STRIP2: variants seen among roughly 807,000 people sequenced by gnomAD.
The protein encoded by STRIP2 is striatin-interacting protein 2.
A neutral mutation model predicts 107.1 loss-of-function variants in STRIP2; 84 were observed. The observed-to-expected ratio is 0.78, with a 90% CI of 0.66 to 0.94. The LOEUF (loss-of-function observed/expected upper bound fraction) is 0.94, where lower values mean the gene tolerates loss of function less well. Among genes scored for constraint, STRIP2 ranks in the 40% least tolerant of loss-of-function variants. The pLI is 0.00. For synonymous variants in STRIP2, 394 were observed against 400.4 expected (o/e 0.98, Z 0.19); for missense variants, 888 against 1,034.2 (o/e 0.86, Z 1.94).
rs1476077612 is a variant in STRIP2, at chr7:129,487,423, T to A, written c.*1594T>A. The A allele has an allele frequency of 6.6e-6, 1 of 152,132 alleles. No homozygotes were observed. The highest frequency in any genetic ancestry group is 1.5e-5 in the Non-Finnish European group (1 of 68,018). The allele number at this position is 152,132 out of a possible 1,614,324, so 9.4% of individuals were successfully genotyped here. On this transcript the variant is annotated 3_prime_UTR_variant, in exon 21 of 21. Coordinates refer to ENST00000249344, the MANE Select transcript of STRIP2 (RefSeq NM_020704.3). ...TTATGCTGGGTGATATAGTCAAAAT[T>A]TGCTTATTTACTCTGCCCCTCGTCA...
chr7:129,478,960 T>C (rs1799044035), intron 18 of STRIP2, among the ~76,000 whole-genome samples: 1 of 152,170 alleles, frequency 6.6e-6, no homozygotes, highest in African/African-American at 2.4e-5. Flanking sequence ...ATATGTTTTG[T>C]GTTTCCCTTG....
rs1211934014 is a variant in STRIP2 at position 129,470,989 on chromosome 7, CGAAATTGAGCGTGAATATCTA to C, written c.1944+275_1944+295del. ...AAGGAATTTAGAAACATAATGGGAC[CGAAATTGAGCGTGAATATCTA>C]TGCTAAATGCAGGACAATCTCTTCT... On this transcript the variant is annotated intron_variant, in intron 18 of 20. Coordinates refer to ENST00000249344, the MANE Select transcript of STRIP2 (RefSeq NM_020704.3). Among the ~76,000 whole-genome samples the C allele has an allele frequency of 2.6e-5, 4 of 152,206 alleles. No individual in the cohort carries two copies. In the East Asian group the frequency reaches 7.7e-4, roughly 29 times the overall value.
intron 3 of STRIP2, among the ~76,000 whole-genome samples, chr7:129,445,064 G>T (rs1210447248): frequency 2.0e-5 from 3 of 152,132 alleles, no homozygotes; most frequent in African/African-American, 7.2e-5. Flanking sequence ...GCAGGTCGTG[G>T]TTTTTTTCCT....
chr7:129,470,133 T>A (rs1798757323), intron 17 of STRIP2, among the ~76,000 whole-genome samples: 1 of 152,204 alleles, frequency 6.6e-6, no homozygotes, highest in Non-Finnish European at 1.5e-5. Flanking sequence ...AGCCTTTCTA[T>A]AGGAAACTGC....
chr7:129,473,237 T>TTA (rs567966734), intron 18 of STRIP2, among the ~76,000 whole-genome samples: 168 of 152,154 alleles, frequency 1.1e-3, no homozygotes, highest in Non-Finnish European at 2.0e-3. Flanking sequence ...TTTGCTGCAA[T>TTA]TATATATATA....
At position 129,464,684 on chromosome 7, in the gene STRIP2, C is replaced by A; in HGVS notation, c.1722C>A (p.Ile574=). The change falls in exon 16 of 21, where the codon ATC becomes ATA. Residue 574 remains isoleucine (I), a synonymous_variant. Coordinates refer to ENST00000249344, the MANE Select transcript of STRIP2 (RefSeq NM_020704.3). The part of the protein sequence containing the change: ...NRHKEIIVKS[I]STLLLLLLKH... The stretch of plus-strand genomic sequence containing the variant: ...ACAAGGAGATTATTGTAAAGAGTAT[C>A]TCTACCCTGCTTCTGCTACTCCTCA... 7.4e-6 allele frequency: 12 copies of A among 1,614,086 alleles called. No individual in the cohort carries two copies. The highest frequency in any genetic ancestry group is 1.0e-5 in the Non-Finnish European group (12 of 1,179,988).
At chr7:129,446,604 A>G (rs1402184789) in intron 3 of STRIP2, among the ~76,000 whole-genome samples, 4 of 152,178 alleles carry the variant, frequency 2.6e-5, no homozygotes, top group African/African-American at 9.6e-5. Context: ...TGGTGCCTGC[A>G]TATCGTGCAG....
At chr7:129,451,402 G>A (rs549443131) in intron 3 of STRIP2, among the ~76,000 whole-genome samples, 1 of 152,198 alleles carries the variant, frequency 6.6e-6, no homozygotes, top group Admixed American at 6.5e-5. Flanking sequence ...GGACAGAGGG[G>A]ATGTTGAAGG....
chr7:129,472,668 C>T (rs1798814195), intron 18 of STRIP2, among the ~76,000 whole-genome samples: 1 of 150,800 alleles, frequency 6.6e-6, no homozygotes, highest in Non-Finnish European at 1.5e-5. Flanking sequence ...CTCAGAAAAA[C>T]ACTAATGTTC....
intron 3 of STRIP2, among the ~76,000 whole-genome samples, chr7:129,446,300 T>C (rs1798032866): frequency 6.6e-6 from 1 of 152,210 alleles, no homozygotes; most frequent in Non-Finnish European, 1.5e-5. Flanking sequence ...AGTACAAATA[T>C]CTTCATAGTT....
In STRIP2 at chr7:129,461,121, C is replaced by A. The variant is rs1443751809; in HGVS notation, c.1476+749C>A. On this transcript the variant is annotated intron_variant, in intron 13 of 20. Coordinates refer to ENST00000249344, the MANE Select transcript of STRIP2 (RefSeq NM_020704.3). The surrounding 1 kb of genome is among the most constrained non-coding windows in gnomAD (Gnocchi z 4.0). ...TGCCGACCTGGATTTGGAGATGTAGCTGACAAGACTTGCAGTGCATTTGGA... is the reference window on the plus strand; with the variant it reads ...TGCCGACCTGGATTTGGAGATGTAGATGACAAGACTTGCAGTGCATTTGGA... 6.6e-6 allele frequency among the ~76,000 whole-genome samples: 1 copy of A among 152,164 alleles called. No individual in the cohort carries two copies. Among genetic ancestry groups the A allele is most frequent in the Non-Finnish European group, 1.5e-5 (1 of 68,026 alleles).
intron 1 of STRIP2, among the ~76,000 whole-genome samples, chr7:129,436,012 T>G (rs1450511597): frequency 6.6e-6 from 1 of 152,018 alleles, no homozygotes; most frequent in Non-Finnish European, 1.5e-5. Context: ...AGCTCAGCCC[T>G]CCTGTCTTGC....
chr7:129,478,766 A>G (rs999177151), intron 18 of STRIP2, among the ~76,000 whole-genome samples: 2 of 152,188 alleles, frequency 1.3e-5, no homozygotes, highest in Non-Finnish European at 2.9e-5. Context: ...CTAAGATCAT[A>G]CAGTCAGGGA....
intron 9 of STRIP2, 141 bp downstream of exon 9, chr7:129,456,783 C>G: frequency 1.4e-6 from 1 of 706,242 alleles, no homozygotes; most frequent in Non-Finnish European, 2.3e-6. Context: ...AACCTGAAAT[C>G]TTAGGGTCTC....
At position 129,434,444 on chromosome 7, in the gene STRIP2, A is replaced by G; in HGVS notation, c.-29A>G. 1 of 1,472,384 alleles carries G rather than the reference A, an allele frequency of 6.8e-7. No individual in the cohort carries two copies. Among genetic ancestry groups the G allele is most frequent in the South Asian group, 1.3e-5 (1 of 77,390 alleles). 91.2% of individuals were successfully genotyped at this position (1,472,384 alleles called of 1,614,324 possible). A position where few individuals can be genotyped will look rare whatever the true frequency, so the allele number is the denominator to read the frequency against. On this transcript the variant is annotated 5_prime_UTR_variant, in exon 1 of 21. Transcript: ENST00000249344. Reference sequence around the variant, plus strand: ...GGGTCGCCTCCGGCAAAGCGAGCTGAACCCTGAGGGGAGCCGCTGACCAGC... The same window carrying G: ...GGGTCGCCTCCGGCAAAGCGAGCTGGACCCTGAGGGGAGCCGCTGACCAGC...
intron 1 of STRIP2, among the ~76,000 whole-genome samples, chr7:129,438,040 C>T (rs528585119): frequency 3.3e-5 from 5 of 152,122 alleles, no homozygotes; most frequent in East Asian, 1.9e-4. Context: ...CTCCTGACCT[C>T]GTAATCCGCC....
intron 1 of STRIP2, among the ~76,000 whole-genome samples, chr7:129,436,165 A>T (rs1652689196): frequency 6.6e-6 from 1 of 152,114 alleles, no homozygotes; most frequent in Non-Finnish European, 1.5e-5. Flanking sequence ...TTAATTCAAC[A>T]ATTATTTATC....
chr7:129,438,586 A>T (rs922861446), intron 1 of STRIP2, among the ~76,000 whole-genome samples: 3 of 152,174 alleles, frequency 2.0e-5, no homozygotes, highest in African/African-American at 7.2e-5. Context: ...ATTCGCTGAC[A>T]CCAACTGGAT....
In STRIP2 at chr7:129,486,238, A is replaced by G. The variant is rs565261484; in HGVS notation, c.*409A>G. Reference sequence around the variant, plus strand: ...TTCTTCTTGCTCACACTGGATTCCTAGGACTTATCAGAGATTTGGAAAAAC... The same window carrying G: ...TTCTTCTTGCTCACACTGGATTCCTGGGACTTATCAGAGATTTGGAAAAAC... On this transcript the variant is annotated 3_prime_UTR_variant, in exon 21 of 21. Transcript: ENST00000249344. 6.9e-5 allele frequency: 11 copies of G among 160,472 alleles called. No homozygotes were observed. In the South Asian group the frequency reaches 2.0e-3, roughly 29 times the overall value. 9.9% of individuals were successfully genotyped at this position (160,472 alleles called of 1,614,324 possible).
Sources: allele counts gnomAD v4.1 joint callset (sites outside exome capture counted in the v4.1 genomes callset), GRCh38; gene constraint gnomAD v4.1.1; non-coding constraint Gnocchi (gnomAD v3.1); transcripts MANE v1.5; gene names NCBI Gene and HGNC (gene_info 2026-07-23, HGNC 2026-07-21).